The following WWP1 variants were observed in gnomAD, a reference collection of about 807,000 sequenced individuals.
The protein encoded by WWP1 is NEDD4-like E3 ubiquitin-protein ligase WWP1.
WWP1 carries 49 observed loss-of-function variants against 130.6 expected under a neutral mutation model. That is an observed-to-expected ratio of 0.38 (90% CI 0.30 to 0.48). The LOEUF is 0.48. Ranked by LOEUF, WWP1 falls within the 20% of genes least tolerant of loss-of-function variation. The probability of loss-of-function intolerance (pLI) is 0.99; values close to 1 mark genes in which losing one functional copy is unlikely to be tolerated. For missense variants in WWP1, 809 were observed against 1,100.6 expected (o/e 0.74, Z 3.75); for synonymous variants, 332 against 367.8 (o/e 0.90, Z 1.11).
chr8:86,434,158 C>A (rs564580221), intron 14 of WWP1, among the ~76,000 whole-genome samples: 2 of 152,270 alleles, frequency 1.3e-5, no homozygotes, highest in South Asian at 4.1e-4. Context: ...CTCCATACAG[C>A]ACAGAGACTG....
In WWP1 at chr8:86,421,580, T is replaced by C. The variant is rs547151435; in HGVS notation, c.1062-3643T>C. ...TGGCTCACGCCTGTAATCTCAGCAC[T>C]TTGGGAGGCCGAGGCGGAAGGATCA... On this transcript the variant is annotated intron_variant, in intron 9 of 24. Coordinates refer to ENST00000517970, the MANE Select transcript of WWP1 (RefSeq NM_007013.4). Among the ~76,000 whole-genome samples the C allele has an allele frequency of 9.1e-4, 138 of 152,220 alleles. 2 individuals carry two copies. In the South Asian group the frequency reaches 0.018, roughly 19 times the overall value.
intron 8 of WWP1, chr8:86,405,174 T>C (rs1361146931): frequency 6.6e-6 from 1 of 152,218 alleles, no homozygotes; most frequent in East Asian, 1.9e-4. Flanking sequence ...TGGTATAAGA[T>C]GGCATTACTT....
At chr8:86,387,684 G>A (rs1041628720) in intron 5 of WWP1, among the ~76,000 whole-genome samples, 7 of 151,730 alleles carry the variant, frequency 4.6e-5, no homozygotes, top group South Asian at 2.1e-4. Context: ...CACCATGTGC[G>A]GCTCATTTTT....
chr8:86,349,975 G>A (rs1435645027), intron 1 of WWP1, among the ~76,000 whole-genome samples: 4 of 152,100 alleles, frequency 2.6e-5, no homozygotes, highest in African/African-American at 9.7e-5. Flanking sequence ...CTTGACCAGA[G>A]TGAGCAACCT....
chr8:86,372,373 G>A lies in WWP1; in HGVS notation c.-21-1657G>A, dbSNP rs192305057. On this transcript the variant is annotated intron_variant, in intron 2 of 24. Transcript: ENST00000517970. ...CAGGTTTTCGCCGTGTTGGCCAGGC[G>A]GGTCTTGAACTCCTGACCTCAGGTG... Among the ~76,000 whole-genome samples the A allele has an allele frequency of 1.1e-3, 172 of 152,178 alleles. 1 individual carries two copies. Among genetic ancestry groups the A allele is most frequent in the African/African-American group, 3.9e-3 (162 of 41,528 alleles).
At chr8:86,443,914 T>G (rs571831969) in intron 18 of WWP1, among the ~76,000 whole-genome samples, 1 of 152,106 alleles carries the variant, frequency 6.6e-6, no homozygotes, top group East Asian at 1.9e-4. Flanking sequence ...GGAGATGAGA[T>G]TGAGAGATGC....
At position 86,425,301 on chromosome 8, in the gene WWP1, A is replaced by G. The variant is rs1282420581; in HGVS notation, c.1140A>G (p.Pro380=). Residue 380 remains proline, a synonymous_variant, in exon 10 of 25, where the codon CCA becomes CCG. Coordinates refer to ENST00000517970, the MANE Select transcript of WWP1 (RefSeq NM_007013.4). ...CTCGAACTACCACATGGGAGAGACCACAACCTTTACCTCCAGGGTAATATA... is the reference window on the plus strand; with the variant it reads ...CTCGAACTACCACATGGGAGAGACCGCAACCTTTACCTCCAGGGTAATATA... ...HNTRTTTWER[P]QPLPPGWERR... The G allele has an allele frequency of 3.7e-6, 6 of 1,612,786 alleles. No individual in the cohort carries two copies. The highest frequency in any genetic ancestry group is 3.4e-6 in the Non-Finnish European group (4 of 1,179,290).
chr8:86,390,214 G>A (rs1270247757), intron 5 of WWP1, among the ~76,000 whole-genome samples: 16 of 151,400 alleles, frequency 1.1e-4, no homozygotes, highest in African/African-American at 3.6e-4. Context: ...TCCCAGACTG[G>A]GCGGCCGGGC....
Position 86,411,837 on chromosome 8 carries a change from CAGT to C in WWP1, c.1025_1027del (p.Gln342_Ser343delinsPro). On this transcript the variant is annotated inframe_deletion, in exon 9 of 25. Coordinates refer to ENST00000517970, the MANE Select transcript of WWP1 (RefSeq NM_007013.4). ...TGGGTGTATGGATCCTGTACGGCAG[CAGT>C]CTGGGAATGCCAACACAGAAACCTT... 1 of 1,612,662 alleles carries C rather than the reference CAGT, an allele frequency of 6.2e-7. No individual in the cohort carries two copies. Among genetic ancestry groups the C allele is most frequent in the Non-Finnish European group, 8.5e-7 (1 of 1,179,048 alleles).
intron 5 of WWP1, among the ~76,000 whole-genome samples, chr8:86,389,618 A>G (rs559890261): frequency 6.6e-6 from 1 of 152,220 alleles, no homozygotes; most frequent in East Asian, 1.9e-4. Flanking sequence ...CCCCTTTTCT[A>G]TTCGACAAAA....
At chr8:86,364,411 A>G (rs1384963131) in intron 1 of WWP1, among the ~76,000 whole-genome samples, 2 of 152,200 alleles carry the variant, frequency 1.3e-5, no homozygotes, top group Non-Finnish European at 2.9e-5. Context: ...TGTGATATGT[A>G]TGGTGCATTT....
At chr8:86,345,965 AT>A (rs748121310) in intron 1 of WWP1, among the ~76,000 whole-genome samples, 19 of 152,166 alleles carry the variant, frequency 1.2e-4, no homozygotes, top group Non-Finnish European at 2.1e-4. Context: ...GTTGACAATG[AT>A]GGTGTTCTTT....
chr8:86,403,813 A>C (rs1808133673), intron 8 of WWP1, among the ~76,000 whole-genome samples: 1 of 152,022 alleles, frequency 6.6e-6, no homozygotes, highest in Non-Finnish European at 1.5e-5. Context: ...TTTTAGTCTT[A>C]ATTTAAGGTG....
intron 1 of WWP1, among the ~76,000 whole-genome samples, chr8:86,367,734 A>G (rs985016501): frequency 2.0e-5 from 3 of 152,140 alleles, no homozygotes; most frequent in Admixed American, 6.5e-5. Context: ...ACCTAAATTG[A>G]TCATATAGTT....
chr8:86,403,354 G>A (rs1044860724), intron 8 of WWP1, among the ~76,000 whole-genome samples: 18 of 152,300 alleles, frequency 1.2e-4, no homozygotes, highest in East Asian at 1.9e-4. Context: ...AGAGGGCAGT[G>A]GCAGGATTTC....
chr8:86,359,832 GA>G (rs1823468948), intron 1 of WWP1, among the ~76,000 whole-genome samples: 3 of 152,080 alleles, frequency 2.0e-5, no homozygotes, highest in South Asian at 4.2e-4. Context: ...GGCGGATCAC[GA>G]GGTCAGGAGA....
intron 18 of WWP1, among the ~76,000 whole-genome samples, chr8:86,445,787 C>CT (rs891582395): frequency 1.6e-4 from 24 of 151,704 alleles, no homozygotes; most frequent in Admixed American, 3.3e-4. Context: ...GTATATGTCT[C>CT]TTTTTTTTCT....
intron 5 of WWP1, among the ~76,000 whole-genome samples, chr8:86,394,277 G>A (rs1807523025): frequency 6.6e-6 from 1 of 152,198 alleles, no homozygotes; most frequent in Admixed American, 6.5e-5. Flanking sequence ...GACTCAAATT[G>A]TTCTGTCTCA....
chr8:86,363,039 C>G (rs1823762152), intron 1 of WWP1, among the ~76,000 whole-genome samples: 1 of 152,110 alleles, frequency 6.6e-6, no homozygotes, highest in Non-Finnish European at 1.5e-5. Flanking sequence ...CTTATATAAT[C>G]TTACCTTGAA....
Sources: gnomAD v4.1 joint callset for allele counts (sites outside exome capture counted in the v4.1 genomes callset) on GRCh38, gnomAD v4.1.1 for gene constraint, MANE v1.5 for transcripts, NCBI Gene and HGNC (gene_info 2026-07-23, HGNC 2026-07-21) for gene names.